The following DMD variants were observed in gnomAD, a reference collection of about 807,000 sequenced individuals.
The protein encoded by DMD is dystrophin.
DMD carries 63 observed loss-of-function variants against 330.1 expected under a neutral mutation model. The ratio of observed to expected loss-of-function variants is 0.19; its 90% CI spans 0.16 to 0.24. The LOEUF (loss-of-function observed/expected upper bound fraction) is 0.24, where lower values mean the gene tolerates loss of function less well. Among genes scored for constraint, DMD ranks in the 10% least tolerant of loss-of-function variants. The pLI is 1.00. For missense variants in DMD, 3,344 were observed against 2,684.1 expected (o/e 1.25, Z -5.43); for synonymous variants, 1,223 against 959.8 (o/e 1.27, Z -5.07).
chrX:31,310,811 C>A (rs1321340400), intron 62 of DMD, among the ~76,000 whole-genome samples: 1 of 108,972 alleles, frequency 9.2e-6, no homozygotes, highest in Non-Finnish European at 1.9e-5. Flanking sequence ...TGCTTTGACC[C>A]CCCAAAGTGC....
intron 50 of DMD, among the ~76,000 whole-genome samples, chrX:31,790,708 C>T (rs933388734): frequency 9.0e-6 from 1 of 110,541 alleles, no homozygotes; most frequent in African/African-American, 3.3e-5. Context: ...CCCAAAACCC[C>T]CAAACCATAG....
At chrX:31,417,808 C>A (rs2063145959) in intron 60 of DMD, among the ~76,000 whole-genome samples, 1 of 107,749 alleles carries the variant, frequency 9.3e-6, no homozygotes, top group South Asian at 4.2e-4. Context: ...CTGCCTCAGC[C>A]TCCTGAGTAG....
chrX:31,664,319 C>T (rs2081294090), intron 53 of DMD, among the ~76,000 whole-genome samples: 1 of 111,259 alleles, frequency 9.0e-6, no homozygotes, highest in South Asian at 3.7e-4. Flanking sequence ...TCATGAAAGG[C>T]AATATGGGCT....
intron 1 of DMD, among the ~76,000 whole-genome samples, chrX:33,021,886 A>G (rs2093920905): frequency 9.0e-6 from 1 of 111,686 alleles, no homozygotes; most frequent in South Asian, 3.7e-4. Context: ...AAATAAAAAC[A>G]GATAGTAATA....
chrX:31,496,102 G>C (rs2069823295), intron 57 of DMD, among the ~76,000 whole-genome samples: 1 of 111,812 alleles, frequency 8.9e-6, no homozygotes, highest in African/African-American at 3.3e-5. Context: ...AAGATACAGG[G>C]AAACTATTCT....
chrX:31,725,523 C>G (rs111257074), intron 52 of DMD, among the ~76,000 whole-genome samples: 13,406 of 111,221 alleles, frequency 0.12, 691 homozygotes, highest in Admixed American at 0.24. Context: ...TACTATGGCC[C>G]TGATCTAAGG....
chrX:32,776,355 T>C (rs2074147249), intron 7 of DMD, among the ~76,000 whole-genome samples: 1 of 110,124 alleles, frequency 9.1e-6, no homozygotes, highest in Admixed American at 9.7e-5. Context: ...GCTATATTTA[T>C]AGCAATGCCC....
intron 44 of DMD, among the ~76,000 whole-genome samples, chrX:32,031,900 C>T (rs1024554906): frequency 8.9e-6 from 1 of 111,921 alleles, no homozygotes; most frequent in Non-Finnish European, 1.9e-5. Context: ...ACTAAAAGGT[C>T]TTTGTACACC....
At chrX:31,377,972 C>T (rs1329951178) in intron 60 of DMD, among the ~76,000 whole-genome samples, 7 of 110,989 alleles carry the variant, frequency 6.3e-5, no homozygotes, top group African/African-American at 9.9e-5. Flanking sequence ...CACCTTGTGA[C>T]TCCCACTCCT....
intron 43 of DMD, among the ~76,000 whole-genome samples, chrX:32,261,891 CTAGT>C (rs1169520535): frequency 9.3e-6 from 1 of 107,907 alleles, no homozygotes; most frequent in Non-Finnish European, 2.0e-5. Flanking sequence ...AATTTCAGGA[CTAGT>C]TATTTTAAAC....
chrX:31,958,605 T>A (rs970501124), intron 45 of DMD, among the ~76,000 whole-genome samples: 2 of 111,980 alleles, frequency 1.8e-5, no homozygotes, highest in Non-Finnish European at 3.8e-5. Flanking sequence ...GTTGGCTTCC[T>A]GACACCTGAA....
chrX:31,268,354 A>T (rs1052297639), intron 62 of DMD, among the ~76,000 whole-genome samples: 1 of 112,788 alleles, frequency 8.9e-6, no homozygotes. Context: ...TATTACCTTT[A>T]ACAAACCAAA....
chrX:32,680,821 C>A (rs2062360178), intron 9 of DMD, among the ~76,000 whole-genome samples: 1 of 110,930 alleles, frequency 9.0e-6, no homozygotes, highest in African/African-American at 3.3e-5. Context: ...CATACACACA[C>A]ACACACAGTC....
chrX:33,091,229 A>G (rs927136741), intron 1 of DMD, among the ~76,000 whole-genome samples: 5 of 111,895 alleles, frequency 4.5e-5, no homozygotes, highest in Non-Finnish European at 9.4e-5. Context: ...ATGATATTTC[A>G]AAATTCTAGT....
intron 41 of DMD, among the ~76,000 whole-genome samples, chrX:32,331,901 G>A (rs1186712400): frequency 9.0e-6 from 1 of 111,391 alleles, no homozygotes; most frequent in Non-Finnish European, 1.9e-5. Flanking sequence ...ACATAGTGAT[G>A]GCTTTGGACT....
intron 57 of DMD, among the ~76,000 whole-genome samples, chrX:31,488,633 T>C (rs2069003838): frequency 8.9e-6 from 1 of 111,873 alleles, no homozygotes; most frequent in Non-Finnish European, 1.9e-5. Flanking sequence ...ATTCTATCTA[T>C]CTTAAGTTCT....
chrX:31,262,517 A>G (rs1273561159), intron 62 of DMD, among the ~76,000 whole-genome samples: 1 of 112,772 alleles, frequency 8.9e-6, no homozygotes, highest in Non-Finnish European at 1.9e-5. Context: ...CAGTGATTGA[A>G]CAGTGAGGGC....
intron 45 of DMD, among the ~76,000 whole-genome samples, chrX:31,948,002 C>T (rs1394467139): frequency 9.0e-6 from 1 of 110,991 alleles, no homozygotes; most frequent in Non-Finnish European, 1.9e-5. Flanking sequence ...AAACTTTATA[C>T]TCATTGAACA....
At chrX:33,243,108 A>T (rs1465821762) in intron 1 of DMD, among the ~76,000 whole-genome samples, 4 of 111,793 alleles carry the variant, frequency 3.6e-5, no homozygotes, top group African/African-American at 9.8e-5. Flanking sequence ...TAGTTTCATT[A>T]GGCCCCAGCT....
Sources: gnomAD v4.1 joint callset for allele counts (sites outside exome capture counted in the v4.1 genomes callset) on GRCh38, gnomAD v4.1.1 for gene constraint, MANE v1.5 for transcripts, NCBI Gene and HGNC (gene_info 2026-07-23, HGNC 2026-07-21) for gene names.